The following HPSE2 variants were observed in gnomAD, a reference collection of about 807,000 sequenced individuals.
The protein encoded by HPSE2 is heparanase 2 (inactive), also known as inactive heparanase-2.
In HPSE2, 38 loss-of-function variants were observed where a neutral mutation model predicts 60.5. The ratio of observed to expected loss-of-function variants is 0.63; its 90% CI spans 0.48 to 0.82. HPSE2 has a LOEUF of 0.82. HPSE2 is among the 40% of genes least tolerant of loss of function. The pLI, the probability that HPSE2 is intolerant of heterozygous loss-of-function variation, is 0.00. For synonymous variants in HPSE2, 295 were observed against 293.2 expected (o/e 1.01, Z -0.06); for missense variants, 713 against 740.4 (o/e 0.96, Z 0.43).
At chr10:98,876,602 C>T (rs2134858768) in intron 3 of HPSE2, among the ~76,000 whole-genome samples, 1 of 151,986 alleles carries the variant, frequency 6.6e-6, no homozygotes, top group East Asian at 1.9e-4. Context: ...CTATTTTCAG[C>T]CATCCCATAG....
At chr10:99,133,141 G>C (rs1294814724) in intron 3 of HPSE2, among the ~76,000 whole-genome samples, 1 of 152,226 alleles carries the variant, frequency 6.6e-6, no homozygotes, top group Non-Finnish European at 1.5e-5. Flanking sequence ...TTCAAACTGG[G>C]CGGAGCCCAC....
intron 3 of HPSE2, among the ~76,000 whole-genome samples, chr10:98,856,797 C>T (rs1232335708): frequency 6.6e-6 from 1 of 152,014 alleles, no homozygotes. Context: ...GTTTCCTAGT[C>T]ACCCCACATG....
At chr10:99,165,179 A>G (rs1847027498) in intron 2 of HPSE2, among the ~76,000 whole-genome samples, 1 of 151,802 alleles carries the variant, frequency 6.6e-6, no homozygotes, top group African/African-American at 2.4e-5. Context: ...TTCATAAACT[A>G]TATTTGCTTA....
At chr10:98,985,061 C>T (rs1288186386) in intron 3 of HPSE2, among the ~76,000 whole-genome samples, 1 of 152,206 alleles carries the variant, frequency 6.6e-6, no homozygotes, top group Non-Finnish European at 1.5e-5. Context: ...AGTTGGAAAA[C>T]ACTCTGCAGG....
At chr10:99,160,877 C>T (rs1175791413) in intron 2 of HPSE2, among the ~76,000 whole-genome samples, 2 of 125,342 alleles carry the variant, frequency 1.6e-5, no homozygotes, top group Non-Finnish European at 3.2e-5. Context: ...CCAGCCTGGG[C>T]GACACAGCGA....
intron 3 of HPSE2, among the ~76,000 whole-genome samples, chr10:98,841,808 ATTTT>A (rs373906376): frequency 2.1e-5 from 3 of 143,278 alleles, no homozygotes; most frequent in Non-Finnish European, 3.1e-5. Flanking sequence ...ATTCCTTGTA[ATTTT>A]TTTTTTTTTT....
At chr10:99,049,053 G>A (rs1444682962) in intron 3 of HPSE2, among the ~76,000 whole-genome samples, 1 of 152,064 alleles carries the variant, frequency 6.6e-6, no homozygotes, top group Non-Finnish European at 1.5e-5. Flanking sequence ...ATAAACATGG[G>A]AAAAATAAAC....
intron 3 of HPSE2, among the ~76,000 whole-genome samples, chr10:98,887,291 G>A (rs981344840): frequency 6.6e-5 from 10 of 151,958 alleles, no homozygotes; most frequent in African/African-American, 2.4e-4. Flanking sequence ...TTCTGCAGTG[G>A]GGAAAAAGAT....
chr10:98,719,296 CTG>C (rs1021126149), intron 5 of HPSE2, among the ~76,000 whole-genome samples: 1 of 152,124 alleles, frequency 6.6e-6, no homozygotes, highest in Non-Finnish European at 1.5e-5. Flanking sequence ...TGACCCTACT[CTG>C]TGGTTTATCA....
chr10:98,499,395 C>T (rs545404721), intron 9 of HPSE2, among the ~76,000 whole-genome samples: 17 of 152,146 alleles, frequency 1.1e-4, no homozygotes, highest in East Asian at 1.9e-4. Flanking sequence ...TTGAATCCAG[C>T]GAAACTAAGC....
the HPSE2 span, among the ~76,000 whole-genome samples, chr10:99,245,774 T>C: frequency 1.3e-5 from 2 of 152,190 alleles, no homozygotes; most frequent in Non-Finnish European, 2.9e-5. Flanking sequence ...ATCCCACTGC[T>C]GGGCATAAAC....
At chr10:98,745,814 A>G (rs933991040) in intron 3 of HPSE2, among the ~76,000 whole-genome samples, 2 of 152,166 alleles carry the variant, frequency 1.3e-5, no homozygotes, top group East Asian at 3.8e-4. Context: ...GAGTTTCTCA[A>G]ATGGGGTTCT....
At chr10:99,190,920 T>C (rs1021887354) in intron 2 of HPSE2, among the ~76,000 whole-genome samples, 2 of 152,118 alleles carry the variant, frequency 1.3e-5, no homozygotes, top group African/African-American at 4.8e-5. Flanking sequence ...GACTCAGGAC[T>C]GGCAGCATTC....
intron 6 of HPSE2, among the ~76,000 whole-genome samples, chr10:98,684,082 T>G (rs1489525284): frequency 1.3e-5 from 2 of 152,198 alleles, no homozygotes; most frequent in Admixed American, 1.3e-4. Context: ...TGTTGACCTC[T>G]CATTTATCTT....
chr10:99,046,360 C>G (rs1957855259), intron 3 of HPSE2, among the ~76,000 whole-genome samples: 2 of 152,072 alleles, frequency 1.3e-5, no homozygotes, highest in Admixed American at 1.3e-4. Flanking sequence ...ATAACAAACC[C>G]TCAGCCAACA....
At chr10:98,978,198 T>G (rs1413224437) in intron 3 of HPSE2, among the ~76,000 whole-genome samples, 1 of 152,156 alleles carries the variant, frequency 6.6e-6, no homozygotes, top group Non-Finnish European at 1.5e-5. Context: ...TAAGTATGTA[T>G]TAAATAAACA....
At chr10:99,289,958 G>T in the HPSE2 span, among the ~76,000 whole-genome samples, 1 of 152,096 alleles carries the variant, frequency 6.6e-6, no homozygotes, top group Non-Finnish European at 1.5e-5. Context: ...TTCACAGAAG[G>T]CACCCAATAT....
intron 7 of HPSE2, among the ~76,000 whole-genome samples, chr10:98,634,827 C>T (rs2134019026): frequency 6.6e-6 from 1 of 152,306 alleles, no homozygotes; most frequent in South Asian, 2.1e-4. Flanking sequence ...ATTCCTTTAT[C>T]CATACATGTC....
chr10:99,125,821 C>T (rs1425271543), intron 3 of HPSE2, among the ~76,000 whole-genome samples: 2 of 152,178 alleles, frequency 1.3e-5, no homozygotes, highest in Non-Finnish European at 2.9e-5. Flanking sequence ...CACTCCTAGT[C>T]TTTAGCTCGA....
Sources: allele counts gnomAD v4.1 joint callset (sites outside exome capture counted in the v4.1 genomes callset), GRCh38; gene constraint gnomAD v4.1.1; transcripts MANE v1.5; gene names NCBI Gene and HGNC (gene_info 2026-07-23, HGNC 2026-07-21).